ARHGAP28: variants seen among roughly 807,000 people sequenced by gnomAD.
ARHGAP28 encodes the protein Rho GTPase activating protein 28.
A neutral mutation model predicts 90.7 loss-of-function variants in ARHGAP28; 56 were observed. That is an observed-to-expected ratio of 0.62 (90% CI 0.50 to 0.77). The LOEUF (loss-of-function observed/expected upper bound fraction) is 0.77. Ranked by LOEUF, ARHGAP28 falls within the 30% of genes least tolerant of loss-of-function variation. ARHGAP28 has a pLI of 0.00. For synonymous variants in ARHGAP28, 308 were observed against 323.3 expected (o/e 0.95, Z 0.51); for missense variants, 869 against 900.9 (o/e 0.96, Z 0.45).
intron 4 of ARHGAP28, among the ~76,000 whole-genome samples, chr18:6,854,256 T>C (rs1273291018): frequency 6.6e-6 from 1 of 152,148 alleles, no homozygotes; most frequent in East Asian, 1.9e-4. Context: ...TCTATTCTTA[T>C]TTTAGTTGCC....
At chr18:6,894,935 A>G (rs1248705376) in intron 15 of ARHGAP28, 44 bp downstream of exon 15, 2 of 1,558,098 alleles carry the variant, frequency 1.3e-6, no homozygotes, top group Middle Eastern at 1.7e-4. Context: ...CTCCCTATAT[A>G]GTCTTCTCTG....
At chr18:6,887,966 C>T (rs1476442622) in intron 12 of ARHGAP28, among the ~76,000 whole-genome samples, 2 of 152,184 alleles carry the variant, frequency 1.3e-5, no homozygotes, top group Non-Finnish European at 2.9e-5. Context: ...CTCTGATGAG[C>T]GTCCTCAGGG....
intron 9 of ARHGAP28, among the ~76,000 whole-genome samples, chr18:6,875,637 C>CT (rs371258715): frequency 1.3e-3 from 198 of 152,234 alleles, no homozygotes; most frequent in African/African-American, 4.6e-3. Context: ...GTGTTTATTA[C>CT]TTTTTTAACA....
intron 3 of ARHGAP28, among the ~76,000 whole-genome samples, chr18:6,838,246 AGAGAT>A (rs1282010281): frequency 1.3e-5 from 2 of 152,252 alleles, no homozygotes; most frequent in African/African-American, 2.4e-5. Context: ...AGCTGCAATT[AGAGAT>A]AAGTTACCTG....
At chr18:6,798,807 C>T (rs1379964088) in intron 1 of ARHGAP28, among the ~76,000 whole-genome samples, 4 of 152,170 alleles carry the variant, frequency 2.6e-5, no homozygotes, top group Admixed American at 2.0e-4. Flanking sequence ...AAAAACCATT[C>T]GTACCACCAA....
chr18:6,878,350 T>TG (rs2057149853), intron 10 of ARHGAP28, among the ~76,000 whole-genome samples: 3 of 54,714 alleles, frequency 5.5e-5, no homozygotes, highest in Admixed American at 2.5e-4. Flanking sequence ...TGTTGTGGGG[T>TG]GGGGGGAGGG....
At position 6,811,951 on chromosome 18, in the gene ARHGAP28, G is replaced by A. The variant is rs148211305; in HGVS notation, c.123-12811G>A. ...GTTTGGCTGGAGACAGACATTTTTC[G>A]AGAAGAATTCTATAATGGAAATAAA... On this transcript the variant is annotated intron_variant, in intron 1 of 17. Coordinates refer to ENST00000383472, the MANE Select transcript of ARHGAP28 (RefSeq NM_001366230.1). Among the ~76,000 whole-genome samples, 496 of 152,110 alleles carry A rather than the reference G, an allele frequency of 3.3e-3. 3 individuals are homozygous for A. The highest frequency in any genetic ancestry group is 0.011 in the African/African-American group (471 of 41,520).
chr18:6,809,919 C>T (rs952527609), intron 1 of ARHGAP28, among the ~76,000 whole-genome samples: 3 of 152,184 alleles, frequency 2.0e-5, no homozygotes, highest in African/African-American at 7.2e-5. Context: ...ACTCAATAAA[C>T]AGTTGTTAAA....
chr18:6,865,093 T>G (rs1401094206), intron 5 of ARHGAP28, among the ~76,000 whole-genome samples: 1 of 152,236 alleles, frequency 6.6e-6, no homozygotes, highest in Non-Finnish European at 1.5e-5. Flanking sequence ...TTTTTTTACA[T>G]TCTTTCTTGG....
At chr18:6,831,867 T>G (rs1462865239) in intron 2 of ARHGAP28, among the ~76,000 whole-genome samples, 1 of 152,136 alleles carries the variant, frequency 6.6e-6, no homozygotes, top group Non-Finnish European at 1.5e-5. Context: ...TTGTAAACTT[T>G]CTGTAAATGC....
At chr18:6,911,921 T>C (rs1487697184) in intron 17 of ARHGAP28, 139 bp from the exon 18 acceptor site, 6 of 440,388 alleles carry the variant, frequency 1.4e-5, no homozygotes, top group Non-Finnish European at 2.4e-5. Context: ...TAAGAAACCT[T>C]AACATATGTC....
intron 1 of ARHGAP28, among the ~76,000 whole-genome samples, chr18:6,758,740 C>T (rs561825544): frequency 1.6e-4 from 24 of 152,224 alleles, no homozygotes; most frequent in African/African-American, 5.8e-4. Flanking sequence ...GGTAGACAGA[C>T]CTGAAAATAA....
At chr18:6,853,203 G>A (rs1160799723) in intron 4 of ARHGAP28, among the ~76,000 whole-genome samples, 2 of 152,128 alleles carry the variant, frequency 1.3e-5, no homozygotes, top group Non-Finnish European at 2.9e-5. Context: ...TCAACTATCT[G>A]AATGGACCCC....
At chr18:6,820,703 A>G (rs1278093006) in intron 1 of ARHGAP28, among the ~76,000 whole-genome samples, 1 of 152,236 alleles carries the variant, frequency 6.6e-6, no homozygotes, top group Admixed American at 6.5e-5. Flanking sequence ...CATCAGAATC[A>G]ATAGACTCAA....
intron 4 of ARHGAP28, among the ~76,000 whole-genome samples, chr18:6,859,537 C>A (rs1325138227): frequency 6.6e-6 from 1 of 152,186 alleles, no homozygotes; most frequent in Non-Finnish European, 1.5e-5. Flanking sequence ...TACCCCAATT[C>A]CCTGGAACAA....
chr18:6,911,132 C>T (rs1600316277), intron 17 of ARHGAP28, among the ~76,000 whole-genome samples: 1 of 151,940 alleles, frequency 6.6e-6, no homozygotes, highest in African/African-American at 2.4e-5. Flanking sequence ...CCGCGCTCGG[C>T]CAGCTCTTGG....
chr18:6,800,775 G>C (rs1253226739), intron 1 of ARHGAP28, among the ~76,000 whole-genome samples: 1 of 152,126 alleles, frequency 6.6e-6, no homozygotes, highest in Non-Finnish European at 1.5e-5. Flanking sequence ...GGGTTGATTG[G>C]TGCAGCAAAC....
chr18:6,913,928 T>C lies in ARHGAP28; in HGVS notation c.*1774T>C, dbSNP rs1447681712. Reference sequence around the variant, plus strand: ...AGACAAGGGTAAACATTTTACTTTATGTAATTGCCACATCCCAAGATGTAA... The same window carrying C: ...AGACAAGGGTAAACATTTTACTTTACGTAATTGCCACATCCCAAGATGTAA... On this transcript the variant is annotated 3_prime_UTR_variant, in exon 18 of 18. Transcript: ENST00000383472. The C allele has an allele frequency of 1.3e-5, 2 of 152,200 alleles. 1 individual carries two copies. The highest frequency in any genetic ancestry group is 4.1e-4 in the South Asian group (2 of 4,836). The allele number at this position is 152,200 out of a possible 1,614,324, so 9.4% of individuals were successfully genotyped here. A position where few individuals can be genotyped will look rare whatever the true frequency, so the allele number is the denominator to read the frequency against.
intron 15 of ARHGAP28, among the ~76,000 whole-genome samples, chr18:6,896,271 A>G (rs535877444): frequency 9.2e-5 from 14 of 152,234 alleles, no homozygotes; most frequent in Non-Finnish European, 1.8e-4. Flanking sequence ...ATTTTAAGTC[A>G]TTATAGCAAG....
Sources: gnomAD v4.1 joint callset for allele counts (sites outside exome capture counted in the v4.1 genomes callset) on GRCh38, gnomAD v4.1.1 for gene constraint, MANE v1.5 for transcripts, NCBI Gene and HGNC (gene_info 2026-07-23, HGNC 2026-07-21) for gene names.